The following LYPLAL1 variants were observed in gnomAD, a reference collection of about 807,000 sequenced individuals.
The protein encoded by LYPLAL1 is lysophospholipase like 1.
Under a neutral mutation model 19.7 loss-of-function variants are expected in LYPLAL1, and 23 were observed. That is an observed-to-expected ratio of 1.17 (90% CI 0.84 to 1.65). The LOEUF is 1.65. Ranked by LOEUF, LYPLAL1 falls within the 40% of genes most tolerant of loss-of-function variation. The pLI is 0.00. For synonymous variants in LYPLAL1, 119 were observed against 96.3 expected, an observed-to-expected ratio of 1.24 and a Z score of -1.38; for missense variants, 355 against 279.4, an observed-to-expected ratio of 1.27 and a Z score of -1.93.
At chr1:219,314,585 C>A in the LYPLAL1 span, among the ~76,000 whole-genome samples, 3 of 152,066 alleles carry the variant, frequency 2.0e-5, no homozygotes, top group Non-Finnish European at 4.4e-5. Context: ...GCTGGGCCTA[C>A]AGGCGACCAC....
chr1:219,389,182 G>C, the LYPLAL1 span, among the ~76,000 whole-genome samples: 1 of 152,104 alleles, frequency 6.6e-6, no homozygotes, highest in Non-Finnish European at 1.5e-5. Flanking sequence ...AGACATGCAG[G>C]AAATATGTAA....
At chr1:219,424,219 T>G in the LYPLAL1 span, among the ~76,000 whole-genome samples, 4 of 152,124 alleles carry the variant, frequency 2.6e-5, no homozygotes, top group African/African-American at 9.7e-5. Flanking sequence ...GCTTAAAGAC[T>G]CATCTAATTA....
chr1:219,375,388 C>T, the LYPLAL1 span, among the ~76,000 whole-genome samples: 1 of 151,196 alleles, frequency 6.6e-6, no homozygotes. Flanking sequence ...ATTGCTTGAA[C>T]CCGGGAGGCG....
chr1:219,347,356 T>C, the LYPLAL1 span, among the ~76,000 whole-genome samples: 1 of 152,142 alleles, frequency 6.6e-6, no homozygotes, highest in Admixed American at 6.5e-5. Flanking sequence ...TAACAACCAA[T>C]ACCCCCAAAT....
the LYPLAL1 span, among the ~76,000 whole-genome samples, chr1:219,351,577 C>G: frequency 6.6e-6 from 1 of 151,882 alleles, no homozygotes; most frequent in Non-Finnish European, 1.5e-5. Flanking sequence ...ACTTTATCCC[C>G]AGCCTATCCA....
chr1:219,305,714 T>C, the LYPLAL1 span, among the ~76,000 whole-genome samples: 4 of 152,208 alleles, frequency 2.6e-5, no homozygotes. Flanking sequence ...TTACTCTGTG[T>C]TGGGTGCTGT....
the LYPLAL1 span, among the ~76,000 whole-genome samples, chr1:219,303,357 A>C: frequency 6.6e-6 from 1 of 152,234 alleles, no homozygotes; most frequent in Admixed American, 6.5e-5. Context: ...ATGTAGATTA[A>C]TAAATAATTT....
chr1:219,283,408 A>G, the LYPLAL1 span, among the ~76,000 whole-genome samples: 1 of 152,176 alleles, frequency 6.6e-6, no homozygotes, highest in East Asian at 1.9e-4. Context: ...TGATTCACAA[A>G]CGTGGAGCTA....
At chr1:219,416,185 A>G in the LYPLAL1 span, among the ~76,000 whole-genome samples, 1 of 152,194 alleles carries the variant, frequency 6.6e-6, no homozygotes, top group Non-Finnish European at 1.5e-5. Context: ...TTATTCAGAT[A>G]TGCTTAGTTT....
chr1:219,187,756 T>G (rs572623844), intron 2 of LYPLAL1, among the ~76,000 whole-genome samples: 1 of 151,748 alleles, frequency 6.6e-6, no homozygotes, highest in Non-Finnish European at 1.5e-5. Flanking sequence ...TCCTCTTTAC[T>G]CCATCACTTA....
the LYPLAL1 span, among the ~76,000 whole-genome samples, chr1:219,245,910 A>G: frequency 3.3e-5 from 5 of 152,276 alleles, no homozygotes; most frequent in East Asian, 9.7e-4. Flanking sequence ...TCGATAAACA[A>G]CAGAGAGACT....
chr1:219,286,582 A>G, the LYPLAL1 span, among the ~76,000 whole-genome samples: 11 of 152,224 alleles, frequency 7.2e-5, no homozygotes, highest in Admixed American at 7.2e-4. Flanking sequence ...CCTTCCCTGA[A>G]TGAAAACAGA....
chr1:219,274,966 T>TG, the LYPLAL1 span, among the ~76,000 whole-genome samples: 5 of 152,206 alleles, frequency 3.3e-5, no homozygotes, highest in Non-Finnish European at 7.3e-5. Context: ...ACCCAATCAA[T>TG]ACGAGTTATT....
At chr1:219,174,271 C>T (rs1655622023) in intron 1 of LYPLAL1, 3 of 1,322,432 alleles carry the variant, frequency 2.3e-6, no homozygotes, top group Non-Finnish European at 2.9e-6. Context: ...CTCCCCATTC[C>T]TCGCCCCAAG....
At chr1:219,419,278 G>T in the LYPLAL1 span, among the ~76,000 whole-genome samples, 3 of 152,120 alleles carry the variant, frequency 2.0e-5, no homozygotes, top group Non-Finnish European at 4.4e-5. Flanking sequence ...CTGGCAGAAA[G>T]TTCAGTTGGT....
chr1:219,223,006 C>T, the LYPLAL1 span: 5 of 152,222 alleles, frequency 3.3e-5, no homozygotes, highest in South Asian at 1.0e-3. Flanking sequence ...GGCTTCACCT[C>T]TTAATACCAT....
At chr1:219,430,217 C>A in the LYPLAL1 span, among the ~76,000 whole-genome samples, 1 of 150,372 alleles carries the variant, frequency 6.7e-6, no homozygotes, top group Non-Finnish European at 1.5e-5. Flanking sequence ...TTGCCTTAAG[C>A]CCAGGATGTC....
chr1:219,350,063 C>T, the LYPLAL1 span, among the ~76,000 whole-genome samples: 1 of 152,104 alleles, frequency 6.6e-6, no homozygotes, highest in Non-Finnish European at 1.5e-5. Context: ...AATAGTTTTC[C>T]AAAGCAGAAT....
At chr1:219,300,516 A>G in the LYPLAL1 span, among the ~76,000 whole-genome samples, 1 of 142,070 alleles carries the variant, frequency 7.0e-6, no homozygotes, top group Non-Finnish European at 1.5e-5. Context: ...AACCTATGAG[A>G]TTCTTTATCC....
Sources: allele counts gnomAD v4.1 joint callset (sites outside exome capture counted in the v4.1 genomes callset), GRCh38; gene constraint gnomAD v4.1.1; transcripts MANE v1.5; gene names NCBI Gene and HGNC (gene_info 2026-07-23, HGNC 2026-07-21).